SCPEP1: variants seen among roughly 807,000 people sequenced by gnomAD.
The protein encoded by SCPEP1 is retinoid-inducible serine carboxypeptidase.
In SCPEP1, 51 loss-of-function variants were observed where a neutral mutation model predicts 63.8. The observed-to-expected ratio is 0.80, with a 90% CI of 0.64 to 1.01. The LOEUF (loss-of-function observed/expected upper bound fraction) is 1.01, where lower values mean the gene tolerates loss of function less well. Among genes scored for constraint, SCPEP1 ranks in the 50% least tolerant of loss-of-function variants. The pLI, the probability that SCPEP1 is intolerant of heterozygous loss-of-function variation, is 0.00. For synonymous variants in SCPEP1, 204 were observed against 207.8 expected (o/e 0.98, Z 0.16); for missense variants, 499 against 554.9 (o/e 0.90, Z 1.01).
At chr17:56,992,155 G>A (rs968364423) in intron 6 of SCPEP1, among the ~76,000 whole-genome samples, 2 of 152,114 alleles carry the variant, frequency 1.3e-5, no homozygotes, top group Non-Finnish European at 1.5e-5. Flanking sequence ...TGTGATTATG[G>A]CTCAGTTTTT....
chr17:56,998,796 T>C (rs1016230462), intron 10 of SCPEP1, among the ~76,000 whole-genome samples: 4 of 151,832 alleles, frequency 2.6e-5, no homozygotes, highest in Non-Finnish European at 5.9e-5. Context: ...TTTAAAAAAA[T>C]AGAAAAATTA....
At chr17:56,998,182 G>A (rs1036266825) in intron 9 of SCPEP1, 12 of 463,320 alleles carry the variant, frequency 2.6e-5, no homozygotes, top group South Asian at 1.3e-4. Context: ...ATGGTGGCGG[G>A]TGCCTGTAGT....
rs1567864261 is a variant in SCPEP1, at chr17:56,985,565, G to C, written c.315+98G>C. The C allele has an allele frequency of 3.4e-6, 3 of 890,636 alleles. No homozygotes were observed. The African/African-American group carries it at 5.0e-5, about 15-fold the overall frequency. The allele number at this position is 890,636 out of a possible 1,614,324, so 55.2% of individuals were successfully genotyped here. A position where few individuals can be genotyped will look rare whatever the true frequency, so the allele number is the denominator to read the frequency against. ...GCCACAAATGTAGCAATCCCTCGCTGTCCTTTTCCTTTTCCTGTGACTACT... is the reference window on the plus strand; with the variant it reads ...GCCACAAATGTAGCAATCCCTCGCTCTCCTTTTCCTTTTCCTGTGACTACT... On this transcript the variant is annotated intron_variant, in intron 3 of 12. Transcript: ENST00000262288.
At chr17:56,981,942 C>G (rs3094835) in intron 2 of SCPEP1, among the ~76,000 whole-genome samples, 116,704 of 152,208 alleles carry the variant, frequency 0.77, 45,520 homozygotes, top group East Asian at 0.99. Flanking sequence ...CCCCAGAAAA[C>G]CTGATCTTTT....
At chr17:56,998,642 A>C in intron 10 of SCPEP1, 144 bp downstream of exon 10, 2 of 648,858 alleles carry the variant, frequency 3.1e-6, no homozygotes, top group Non-Finnish European at 5.6e-6. Flanking sequence ...CACGTTTTGT[A>C]GGTGAGCAAA....
Position 57,006,761 on chromosome 17 carries a change from AT to A in SCPEP1, c.*531del, listed in dbSNP as rs1212669938. ...ATGTCAATAAATGTTCTTCTCTAAC[AT>A]TTTTAATGGCTGTGGAGCATTCTAC... On this transcript the variant is annotated 3_prime_UTR_variant, in exon 13 of 13. Transcript: ENST00000262288. 2.0e-5 allele frequency: 3 copies of A among 152,310 alleles called. No homozygotes were observed. Among genetic ancestry groups the A allele is most frequent in the Non-Finnish European group, 4.4e-5 (3 of 68,028 alleles). The allele number at this position is 152,310 out of a possible 1,614,324, so 9.4% of individuals were successfully genotyped here. A position where few individuals can be genotyped will look rare whatever the true frequency, so the allele number is the denominator to read the frequency against.
At chr17:56,983,905 C>CTT (rs1336358968) in intron 2 of SCPEP1, 2 of 149,806 alleles carry the variant, frequency 1.3e-5, no homozygotes, top group Non-Finnish European at 3.0e-5. Flanking sequence ...TCCCTTTCAT[C>CTT]TTTTTTTTCT....
Position 56,978,436 on chromosome 17 carries a change from C to G in SCPEP1, c.76+201C>G, listed in dbSNP as rs148572317. On this transcript the variant is annotated intron_variant, in intron 1 of 12. Transcript: ENST00000262288. ...GTGCTTTTTTTGTCCTTTTCTGGCT[C>G]TGGGTGGTCTGAGTGCTTCCGTTCT... Among the ~76,000 whole-genome samples, 57 of 145,144 alleles carry G rather than the reference C, an allele frequency of 3.9e-4. No individual in the cohort carries two copies. In the East Asian group the frequency reaches 0.01, roughly 27 times the overall value.
In SCPEP1 at chr17:56,997,065, C is replaced by CCTTGAAGT; in HGVS notation, c.880+11_880+18dup. On this transcript the variant is annotated intron_variant, in intron 9 of 12. Coordinates refer to ENST00000262288, the MANE Select transcript of SCPEP1 (RefSeq NM_021626.3). ...ACACAGAGCCACCTAGGTGAGTGAA[C>CCTTGAAGT]CTTGAAGTTATTAAAGTCCCTGCCT... 6.6e-7 allele frequency: 1 copy of CCTTGAAGT among 1,518,848 alleles called. No individual in the cohort carries two copies. Among genetic ancestry groups the CCTTGAAGT allele is most frequent in the Non-Finnish European group, 8.9e-7 (1 of 1,121,486 alleles). 94.1% of individuals were successfully genotyped at this position (1,518,848 alleles called of 1,614,324 possible).
chr17:57,002,261 G>C, intron 12 of SCPEP1, 80 bp downstream of exon 12: 1 of 1,413,398 alleles, frequency 7.1e-7, no homozygotes, highest in African/African-American at 1.4e-5. Context: ...TCTGTCCACT[G>C]CCCAGGTGGG....
chr17:56,991,928 A>G (rs1032580518), intron 6 of SCPEP1, among the ~76,000 whole-genome samples: 2 of 152,218 alleles, frequency 1.3e-5, no homozygotes, highest in South Asian at 4.1e-4. Flanking sequence ...GGGGAACAAA[A>G]CCATCCCTGA....
intron 10 of SCPEP1, 34 bp from the exon 11 acceptor site, chr17:57,000,821 A>G (rs1567869910): frequency 6.2e-7 from 1 of 1,613,108 alleles, no homozygotes; most frequent in Non-Finnish European, 8.5e-7. Flanking sequence ...GGCAGATTCC[A>G]AGCTACTCCC....
Position 56,978,173 on chromosome 17 carries a change from T to C in SCPEP1, c.14T>C (p.Leu5Pro). The C allele has an allele frequency of 3.3e-6, 5 of 1,519,788 alleles. No individual in the cohort carries two copies. The highest frequency in any genetic ancestry group is 4.5e-6 in the Non-Finnish European group (5 of 1,116,036). The allele number at this position is 1,519,788 out of a possible 1,614,324, so 94.1% of individuals were successfully genotyped here. Residue 5 changes from leucine to proline, a missense_variant, in exon 1 of 13, where the codon CTG (leucine) becomes CCG (proline). Physicochemically the swap from Leu to Pro is moderately conservative, Grantham distance 98 (BLOSUM62 -3). Transcript: ENST00000262288. Reference sequence around the variant, plus strand: ...GCGGTACTTGTCATGGAGCTGGCACTGCGGCGCTCTCCCGTCCCGCGGTGG... The same window carrying C: ...GCGGTACTTGTCATGGAGCTGGCACCGCGGCGCTCTCCCGTCCCGCGGTGG... MELA[L>P]RRSPVPRWLL...
chr17:56,998,114 C>G (rs1440497969), intron 9 of SCPEP1: 6 of 335,680 alleles, frequency 1.8e-5, no homozygotes, highest in Non-Finnish European at 2.3e-5. Context: ...AGATCGAGAC[C>G]ATCCTGGCCA....
chr17:56,986,847 TG>T (rs1362595198), intron 3 of SCPEP1, among the ~76,000 whole-genome samples: 1 of 152,192 alleles, frequency 6.6e-6, no homozygotes, highest in African/African-American at 2.4e-5. Flanking sequence ...GCGCGGCCTC[TG>T]GTCTTTCTTA....
In SCPEP1 at chr17:56,980,915, T is replaced by G. The variant is rs1911049984; in HGVS notation, c.77-167T>G. Among the ~76,000 whole-genome samples, 4 of 152,220 alleles carry G rather than the reference T, an allele frequency of 2.6e-5. No homozygotes were observed. In the South Asian group the frequency reaches 8.3e-4, roughly 32 times the overall value. On this transcript the variant is annotated intron_variant, in intron 1 of 12. Transcript: ENST00000262288. The stretch of plus-strand genomic sequence containing the variant: ...TGCCGCTGTTAAGTTTGGTTTCTTT[T>G]TTCATAGCCGAGGTTTTTTCCTTAT...
Position 56,988,236 on chromosome 17 carries a change from C to T in SCPEP1, c.492C>T (p.Phe164=), listed in dbSNP as rs772622394. 4 of 1,611,714 alleles carry T rather than the reference C, an allele frequency of 2.5e-6. No homozygotes were observed. The African/African-American group carries it at 4.0e-5, about 16-fold the overall frequency. ...GCTAGACAGTTCCATTCTACATTTT[C>T]TCAGAGTCCTATGGAGGAAAAATGG... is the stretch of plus-strand genomic sequence containing the variant. The part of the protein sequence containing the change: ...KEFQTVPFYI[F]SESYGGKMAA... Residue 164 remains phenylalanine (F), a synonymous_variant, in exon 5 of 13, where the codon TTC becomes TTT. Coordinates refer to ENST00000262288, the MANE Select transcript of SCPEP1 (RefSeq NM_021626.3).
intron 5 of SCPEP1, among the ~76,000 whole-genome samples, chr17:56,990,575 T>G (rs1407745304): frequency 1.3e-5 from 2 of 152,366 alleles, no homozygotes; most frequent in East Asian, 3.9e-4. Context: ...CAGCCTGCTT[T>G]CTTCAATCAG....
chr17:56,979,618 A>G (rs1351300549), intron 1 of SCPEP1, among the ~76,000 whole-genome samples: 2 of 152,254 alleles, frequency 1.3e-5, no homozygotes, highest in African/African-American at 4.8e-5. Flanking sequence ...AAGTTAAGTA[A>G]GGAAAATTGG....
Sources: allele counts gnomAD v4.1 joint callset (sites outside exome capture counted in the v4.1 genomes callset), GRCh38; gene constraint gnomAD v4.1.1; transcripts MANE v1.5; gene names NCBI Gene and HGNC (gene_info 2026-07-23, HGNC 2026-07-21).